The following SCHIP1 variants were observed in gnomAD, a reference collection of about 807,000 sequenced individuals.
SCHIP1 encodes schwannomin interacting protein 1.
SCHIP1 carries 8 observed loss-of-function variants against 29.7 expected under a neutral mutation model. The ratio of observed to expected loss-of-function variants is 0.27; its 90% CI spans 0.16 to 0.49. SCHIP1 has a LOEUF of 0.49. SCHIP1 is among the 20% of genes least tolerant of loss of function. The pLI is 0.99. For synonymous variants in SCHIP1, 76 were observed against 94.9 expected (o/e 0.80, Z 1.16); for missense variants, 193 against 294.6 (o/e 0.66, Z 2.52).
the SCHIP1 span, among the ~76,000 whole-genome samples, chr3:159,759,508 T>C: frequency 6.6e-6 from 1 of 152,246 alleles, no homozygotes; most frequent in African/African-American, 2.4e-5. Flanking sequence ...TCATTATTTA[T>C]TCATTTAATT....
chr3:159,455,065 G>A, the SCHIP1 span, among the ~76,000 whole-genome samples: 3 of 152,024 alleles, frequency 2.0e-5, no homozygotes, highest in African/African-American at 4.8e-5. Flanking sequence ...GCCACTTACT[G>A]TAAAGGAAAA....
chr3:159,840,217 A>G, intron 1 of SCHIP1: 1 of 1,534,590 alleles, frequency 6.5e-7, no homozygotes, highest in South Asian at 1.2e-5. Flanking sequence ...CGTATCAGGT[A>G]AAATTTAAAG....
At chr3:159,475,990 A>AAACCAG in the SCHIP1 span, among the ~76,000 whole-genome samples, 1 of 152,190 alleles carries the variant, frequency 6.6e-6, no homozygotes, top group African/African-American at 2.4e-5. Flanking sequence ...TGAGCTGTGT[A>AAACCAG]AACCAGAAAC....
At chr3:159,673,439 T>C in the SCHIP1 span, among the ~76,000 whole-genome samples, 1 of 152,244 alleles carries the variant, frequency 6.6e-6, no homozygotes, top group Non-Finnish European at 1.5e-5. Flanking sequence ...ACCATTGCTT[T>C]GGAATGTGTT....
chr3:159,492,863 T>C, the SCHIP1 span, among the ~76,000 whole-genome samples: 1 of 152,152 alleles, frequency 6.6e-6, no homozygotes, highest in Non-Finnish European at 1.5e-5. Flanking sequence ...AAGGTCGGGT[T>C]ACCCACAAAG....
the SCHIP1 span, among the ~76,000 whole-genome samples, chr3:159,718,360 T>C: frequency 2.0e-5 from 3 of 152,100 alleles, no homozygotes; most frequent in South Asian, 2.1e-4. Flanking sequence ...CTATTCAACA[T>C]AGTGTTGGAA....
At chr3:159,812,081 G>A in the SCHIP1 span, among the ~76,000 whole-genome samples, 588 of 150,354 alleles carry the variant, frequency 3.9e-3, 3 homozygotes, top group African/African-American at 0.014. Flanking sequence ...AGCGATTCTC[G>A]TGCCTCAGCC....
the SCHIP1 span, among the ~76,000 whole-genome samples, chr3:159,694,605 A>AAAGAAAGAAAGAAAGG: frequency 7.3e-6 from 1 of 137,116 alleles, no homozygotes; most frequent in African/African-American, 2.9e-5. Flanking sequence ...AGAAAGAAAG[A>AAAGAAAGAAAGAAAGG]AAGGAATTAT....
At chr3:159,787,830 C>T in the SCHIP1 span, among the ~76,000 whole-genome samples, 1 of 152,176 alleles carries the variant, frequency 6.6e-6, no homozygotes, top group African/African-American at 2.4e-5. Flanking sequence ...AAGTCCTCCC[C>T]TCTGGCCACT....
chr3:159,513,612 G>A, the SCHIP1 span, among the ~76,000 whole-genome samples: 1 of 152,136 alleles, frequency 6.6e-6, no homozygotes, highest in Non-Finnish European at 1.5e-5. Context: ...CAGCCCGGCT[G>A]CCACTCAGTG....
chr3:159,812,913 T>C, the SCHIP1 span, among the ~76,000 whole-genome samples: 2 of 152,214 alleles, frequency 1.3e-5, no homozygotes, highest in South Asian at 4.1e-4. Flanking sequence ...GAGGGCTTTA[T>C]GCTGTATCAC....
the SCHIP1 span, among the ~76,000 whole-genome samples, chr3:159,662,871 A>G: frequency 1.3e-5 from 2 of 150,778 alleles, no homozygotes; most frequent in Admixed American, 6.6e-5. Flanking sequence ...CAAATGGTCA[A>G]TTTAATTTTT....
chr3:159,628,310 T>C, the SCHIP1 span, among the ~76,000 whole-genome samples: 701 of 152,328 alleles, frequency 4.6e-3, 2 homozygotes, highest in Non-Finnish European at 7.0e-3. Context: ...GGTTTGCTCC[T>C]GTCTGACAGA....
chr3:159,686,363 C>A, the SCHIP1 span, among the ~76,000 whole-genome samples: 143 of 152,306 alleles, frequency 9.4e-4, 4 homozygotes, highest in South Asian at 9.5e-3. Context: ...ATACAAACCT[C>A]TTCCAGAGGA....
chr3:159,294,941 A>G, the SCHIP1 span, among the ~76,000 whole-genome samples: 1 of 152,120 alleles, frequency 6.6e-6, no homozygotes, highest in Non-Finnish European at 1.5e-5. Context: ...GAATCAGATC[A>G]TTACCCGAAA....
At chr3:159,808,381 T>C in the SCHIP1 span, 1 of 152,244 alleles carries the variant, frequency 6.6e-6, no homozygotes, top group South Asian at 2.1e-4. Context: ...CCTATGCTTC[T>C]CAGACTCCCT....
chr3:159,892,415 T>C, intron 6 of SCHIP1: 1 of 607,400 alleles, frequency 1.6e-6, no homozygotes, highest in South Asian at 2.0e-5. Flanking sequence ...GAATTGTCAG[T>C]GCATTACTTC....
the SCHIP1 span, among the ~76,000 whole-genome samples, chr3:159,770,586 T>C: frequency 6.6e-6 from 1 of 152,100 alleles, no homozygotes; most frequent in African/African-American, 2.4e-5. Context: ...TTCTCTTGGG[T>C]AAATAACTAG....
At chr3:159,766,802 G>C in the SCHIP1 span, among the ~76,000 whole-genome samples, 3 of 152,102 alleles carry the variant, frequency 2.0e-5, no homozygotes, top group African/African-American at 7.2e-5. Context: ...GAAGGGTAGG[G>C]ATACAGACTG....
Sources: allele counts gnomAD v4.1 joint callset (sites outside exome capture counted in the v4.1 genomes callset), GRCh38; gene constraint gnomAD v4.1.1; transcripts MANE v1.5; gene names NCBI Gene and HGNC (gene_info 2026-07-23, HGNC 2026-07-21).